Variants in MAPRE3 observed in about 807,000 individuals in gnomAD.
MAPRE3 encodes the protein microtubule-associated protein RP/EB family member 3.
Under a neutral mutation model 30.5 loss-of-function variants are expected in MAPRE3, and 2 were observed. The observed-to-expected ratio is 0.07, with a 90% CI of 0.03 to 0.21. The LOEUF (loss-of-function observed/expected upper bound fraction) is 0.21. Ranked by LOEUF, MAPRE3 falls within the 10% of genes least tolerant of loss-of-function variation. MAPRE3 has a pLI of 1.00. For synonymous variants in MAPRE3, 110 were observed against 127.7 expected (o/e 0.86, Z 0.93); for missense variants, 204 against 351.8 (o/e 0.58, Z 3.36).
chr2:27,024,533 T>C (rs911429219), intron 4 of MAPRE3, among the ~76,000 whole-genome samples: 3 of 152,216 alleles, frequency 2.0e-5, no homozygotes, highest in African/African-American at 7.2e-5. Flanking sequence ...TGGTGGCAAC[T>C]GGGGTAGGAG....
At chr2:26,984,419 T>A (rs1208071180) in intron 1 of MAPRE3, among the ~76,000 whole-genome samples, 1 of 152,212 alleles carries the variant, frequency 6.6e-6, no homozygotes, top group East Asian at 1.9e-4. Flanking sequence ...TTTTTAAACA[T>A]GGAATCTAAC....
intron 1 of MAPRE3, among the ~76,000 whole-genome samples, chr2:27,005,040 A>G (rs1006937620): frequency 6.6e-6 from 1 of 152,228 alleles, no homozygotes; most frequent in Non-Finnish European, 1.5e-5. Flanking sequence ...TTTTAAAATA[A>G]TAACAATGTT....
At chr2:26,976,316 T>C (rs758440586) in intron 1 of MAPRE3, among the ~76,000 whole-genome samples, 5 of 152,254 alleles carry the variant, frequency 3.3e-5, no homozygotes, top group Non-Finnish European at 7.3e-5. Context: ...CCAGATGTCA[T>C]GTTTATTATA....
intron 1 of MAPRE3, among the ~76,000 whole-genome samples, chr2:26,981,329 T>C (rs1666108700): frequency 6.6e-6 from 1 of 151,786 alleles, no homozygotes; most frequent in Non-Finnish European, 1.5e-5. Context: ...TGCAGTGAAG[T>C]AGCTGGCCCT....
At chr2:27,018,861 C>G (rs1473793585) in intron 1 of MAPRE3, among the ~76,000 whole-genome samples, 1 of 151,788 alleles carries the variant, frequency 6.6e-6, no homozygotes, top group Non-Finnish European at 1.5e-5. Context: ...CATTGAAGAG[C>G]TTACAGTCAG....
chr2:26,979,364 T>C (rs767709572), intron 1 of MAPRE3, among the ~76,000 whole-genome samples: 3 of 152,066 alleles, frequency 2.0e-5, no homozygotes, highest in Non-Finnish European at 2.9e-5. Context: ...GGGGGGAGGA[T>C]CACTTGAGGC....
At chr2:26,973,927 G>T (rs1665966259) in intron 1 of MAPRE3, among the ~76,000 whole-genome samples, 1 of 152,220 alleles carries the variant, frequency 6.6e-6, no homozygotes, top group African/African-American at 2.4e-5. Flanking sequence ...AAGGTCCCAA[G>T]GCACATGTCT....
In MAPRE3 at chr2:27,021,364, C is replaced by A. The variant is rs77570457; in HGVS notation, c.-7-848C>A. Among the ~76,000 whole-genome samples, 124 of 152,148 alleles carry A rather than the reference C, an allele frequency of 8.1e-4. 4 individuals carry two copies. In the East Asian group the frequency reaches 0.02, roughly 25 times the overall value. On this transcript the variant is annotated intron_variant, in intron 1 of 6. Coordinates refer to ENST00000233121, the MANE Select transcript of MAPRE3 (RefSeq NM_012326.4). The stretch of plus-strand genomic sequence containing the variant: ...GGGAGAGTAAGCTGTCTGGGATGAC[C>A]CCGCAGGTTTCTAAGGTGGTGATTA...
intron 1 of MAPRE3, among the ~76,000 whole-genome samples, chr2:26,984,197 T>G (rs1666172185): frequency 6.6e-6 from 1 of 152,192 alleles, no homozygotes; most frequent in African/African-American, 2.4e-5. Flanking sequence ...TTTAATGCCT[T>G]TAGTGTATAG....
intron 1 of MAPRE3, among the ~76,000 whole-genome samples, chr2:26,995,827 G>GTGTA (rs1228670630): frequency 2.0e-5 from 3 of 149,424 alleles, no homozygotes; most frequent in African/African-American, 7.5e-5. Context: ...GTGTGTGTGT[G>GTGTA]TGTATGTGTG....
At position 27,026,618 on chromosome 2, in the gene MAPRE3, C is replaced by T. The variant is rs2148231985; in HGVS notation, c.*270C>T. On this transcript the variant is annotated 3_prime_UTR_variant, in exon 7 of 7. Coordinates refer to ENST00000233121, the MANE Select transcript of MAPRE3 (RefSeq NM_012326.4). ...TCTCTGCTGTGTCGCCCAACACTTC[C>T]CAGGGTGCTGCTGCCACCCGCCCCA... 2.5e-6 allele frequency: 1 copy of T among 400,972 alleles called. No individual in the cohort carries two copies. The highest frequency in any genetic ancestry group is 6.2e-4 in the Middle Eastern group (1 of 1,608). 24.8% of individuals were successfully genotyped at this position (400,972 alleles called of 1,614,324 possible). A position where few individuals can be genotyped will look rare whatever the true frequency, so the allele number is the denominator to read the frequency against.
intron 1 of MAPRE3, among the ~76,000 whole-genome samples, chr2:27,007,032 T>C (rs1329007140): frequency 6.6e-6 from 1 of 152,224 alleles, no homozygotes; most frequent in Non-Finnish European, 1.5e-5. Flanking sequence ...ATCCTGTCTT[T>C]AGGCAGAAAA....
intron 1 of MAPRE3, chr2:27,002,142 G>A (rs898994820): frequency 1.3e-5 from 2 of 152,236 alleles, no homozygotes; most frequent in African/African-American, 4.8e-5. Flanking sequence ...GACAGGTAAG[G>A]AAGAAGGGTG....
At chr2:27,007,366 C>T (rs1666754004) in intron 1 of MAPRE3, among the ~76,000 whole-genome samples, 1 of 152,186 alleles carries the variant, frequency 6.6e-6, no homozygotes, top group Admixed American at 6.5e-5. Context: ...ACCTGCTATC[C>T]TCATTAGCCC....
At chr2:27,013,894 G>A (rs933652085) in intron 1 of MAPRE3, 1 of 152,232 alleles carries the variant, frequency 6.6e-6, no homozygotes, top group African/African-American at 2.4e-5. Flanking sequence ...TCCTGCCAGC[G>A]GTACTCATTA....
In MAPRE3 at chr2:26,970,730, C is replaced by G. The variant is rs943414074; in HGVS notation, c.-80C>G. 3 of 152,784 alleles carry G rather than the reference C, an allele frequency of 2.0e-5. No homozygotes were observed. The highest frequency in any genetic ancestry group is 4.8e-5 in the African/African-American group (2 of 41,452). The allele number at this position is 152,784 out of a possible 1,614,324, so 9.5% of individuals were successfully genotyped here. ...CCGCCCCGGAGCCGCCGGCCGGAGC[C>G]GCAGCCTCTGCCGCAGCGCCCCCGC... On this transcript the variant is annotated 5_prime_UTR_variant, in exon 1 of 7. Transcript: ENST00000233121.
intron 1 of MAPRE3, among the ~76,000 whole-genome samples, chr2:26,971,947 C>T (rs1665923144): frequency 1.3e-5 from 2 of 152,132 alleles, no homozygotes; most frequent in Non-Finnish European, 2.9e-5. Flanking sequence ...GTTATGTTTG[C>T]TACCCCTCCA....
At chr2:26,998,707 G>A (rs1666520567) in intron 1 of MAPRE3, among the ~76,000 whole-genome samples, 2 of 152,182 alleles carry the variant, frequency 1.3e-5, no homozygotes, top group Non-Finnish European at 2.9e-5. Flanking sequence ...TATTACAGAA[G>A]TACCCAGAAG....
At chr2:26,994,099 C>T (rs1666405175) in intron 1 of MAPRE3, among the ~76,000 whole-genome samples, 1 of 152,216 alleles carries the variant, frequency 6.6e-6, no homozygotes, top group Non-Finnish European at 1.5e-5. Flanking sequence ...GCTGTCTTGA[C>T]TGTTTTACTG....
Sources: gnomAD v4.1 joint callset for allele counts (sites outside exome capture counted in the v4.1 genomes callset) on GRCh38, gnomAD v4.1.1 for gene constraint, MANE v1.5 for transcripts, NCBI Gene and HGNC (gene_info 2026-07-23, HGNC 2026-07-21) for gene names.